Variants in HOMER2 observed in about 807,000 individuals in gnomAD.
The protein encoded by HOMER2 is homer protein homolog 2.
Under a neutral mutation model 47.0 loss-of-function variants are expected in HOMER2, and 27 were observed. The ratio of observed to expected loss-of-function variants is 0.57; its 90% CI spans 0.42 to 0.79. The LOEUF is 0.79. Among genes scored for constraint, HOMER2 ranks in the 30% least tolerant of loss-of-function variants. The probability of loss-of-function intolerance (pLI) is 0.00; values close to 1 mark genes in which losing one functional copy is unlikely to be tolerated. For synonymous variants in HOMER2, 161 were observed against 163.8 expected, an observed-to-expected ratio of 0.98 and a Z score of 0.13; for missense variants, 443 against 435.0, an observed-to-expected ratio of 1.02 and a Z score of -0.16.
intron 1 of HOMER2, among the ~76,000 whole-genome samples, chr15:82,949,186 G>A (rs574847870): frequency 2.0e-5 from 3 of 152,172 alleles, no homozygotes; most frequent in African/African-American, 7.2e-5. Flanking sequence ...ATGTATTGAC[G>A]AGAGTCAGAA....
At chr15:82,850,330 G>C (rs764413683) in intron 8 of HOMER2, among the ~76,000 whole-genome samples, 6 of 152,230 alleles carry the variant, frequency 3.9e-5, no homozygotes, top group Non-Finnish European at 5.9e-5. Context: ...GTCCCACAGA[G>C]AGGCGTGGCC....
At chr15:82,906,502 G>A (rs1031631316) in intron 1 of HOMER2, among the ~76,000 whole-genome samples, 8 of 150,266 alleles carry the variant, frequency 5.3e-5, no homozygotes, top group East Asian at 2.0e-4. Flanking sequence ...GCTCAATCTC[G>A]GCTCACTGCA....
chr15:82,923,709 C>T (rs942294337), intron 1 of HOMER2, among the ~76,000 whole-genome samples: 1 of 152,166 alleles, frequency 6.6e-6, no homozygotes, highest in African/African-American at 2.4e-5. Flanking sequence ...CAAGTGTGCA[C>T]ATACCCACCC....
intron 3 of HOMER2, among the ~76,000 whole-genome samples, chr15:82,871,702 G>A (rs552536863): frequency 6.6e-5 from 10 of 152,248 alleles, no homozygotes; most frequent in African/African-American, 2.4e-4. Flanking sequence ...GCAGGACGGT[G>A]CACTCCTCCT....
chr15:82,882,484 G>A (rs2052553823), intron 2 of HOMER2, among the ~76,000 whole-genome samples: 1 of 152,260 alleles, frequency 6.6e-6, no homozygotes, highest in South Asian at 2.1e-4. Flanking sequence ...GGGCAATGCT[G>A]AGGCAACACA....
At chr15:82,916,662 G>C (rs923096509) in intron 1 of HOMER2, among the ~76,000 whole-genome samples, 2 of 152,118 alleles carry the variant, frequency 1.3e-5, no homozygotes, top group Non-Finnish European at 2.9e-5. Flanking sequence ...GAGGGGGAGA[G>C]GTTAAGTACT....
At chr15:82,978,394 A>G (rs184256682) in intron 1 of HOMER2, among the ~76,000 whole-genome samples, 9 of 152,302 alleles carry the variant, frequency 5.9e-5, no homozygotes. Flanking sequence ...AATCCGTTCT[A>G]CTTGGAGGTG....
chr15:82,867,250 T>A (rs749024612), intron 3 of HOMER2, among the ~76,000 whole-genome samples: 13 of 151,958 alleles, frequency 8.6e-5, no homozygotes, highest in Admixed American at 2.0e-4. Context: ...TGAGCATGTA[T>A]CAAGCTTCTG....
chr15:82,937,037 C>T (rs1218470327), intron 1 of HOMER2, among the ~76,000 whole-genome samples: 1 of 152,156 alleles, frequency 6.6e-6, no homozygotes, highest in Non-Finnish European at 1.5e-5. Context: ...TTATAGCAGG[C>T]TTGAAATATC....
intron 1 of HOMER2, among the ~76,000 whole-genome samples, chr15:82,983,564 T>C (rs532259295): frequency 3.3e-5 from 5 of 152,262 alleles, no homozygotes; most frequent in Admixed American, 6.5e-5. Context: ...GCTTAAAGAA[T>C]TGGAGCCTTT....
intron 1 of HOMER2, among the ~76,000 whole-genome samples, chr15:82,934,099 G>C (rs1320309803): frequency 6.6e-6 from 1 of 152,100 alleles, no homozygotes; most frequent in African/African-American, 2.4e-5. Context: ...GGAAACCAGT[G>C]AGTCCCTGAG....
In HOMER2 at chr15:82,875,335, C is replaced by T. The variant is rs2052312176; in HGVS notation, c.232G>A (p.Ala78Thr). ...AACACTGTGTTGGCTCTGCTGTCGGCCCACTGCCCAAACTTCTGTGACGTT... is the reference window on the plus strand; with the variant it reads ...AACACTGTGTTGGCTCTGCTGTCGGTCCACTGCCCAAACTTCTGTGACGTT... ...TKTSQKFGQW[A>T]DSRANTVFGL... Residue 78 changes from alanine to threonine, a missense_variant, in exon 3 of 9, where the codon GCC becomes ACC. Physicochemically the swap from Ala to Thr is moderately conservative, Grantham distance 58 (BLOSUM62 0). Transcript: ENST00000450735. The T allele has an allele frequency of 6.2e-7, 1 of 1,613,950 alleles. No homozygotes were observed. The highest frequency in any genetic ancestry group is 8.5e-7 in the Non-Finnish European group (1 of 1,179,878).
upstream of HOMER2, among the ~76,000 whole-genome samples, chr15:82,954,691 G>A (rs1337588283): frequency 6.6e-6 from 1 of 152,002 alleles, no homozygotes; most frequent in African/African-American, 2.4e-5. Context: ...TATGTCTATA[G>A]GTATATCGAT....
chr15:82,933,953 C>A (rs1256636254), intron 1 of HOMER2, among the ~76,000 whole-genome samples: 2 of 152,136 alleles, frequency 1.3e-5, no homozygotes, highest in South Asian at 2.1e-4. Flanking sequence ...GCAGAGTTCT[C>A]CCTGCCCTGG....
intron 1 of HOMER2, among the ~76,000 whole-genome samples, chr15:82,946,517 G>A (rs1473187269): frequency 6.6e-6 from 1 of 152,010 alleles, no homozygotes; most frequent in East Asian, 1.9e-4. Context: ...TATTCACACT[G>A]CCAGGAACAC....
intron 1 of HOMER2, chr15:82,926,093 A>C (rs1250030581): frequency 6.6e-6 from 1 of 152,248 alleles, no homozygotes; most frequent in Non-Finnish European, 1.5e-5. Flanking sequence ...TATAATCTTC[A>C]TGTCATATAT....
chr15:82,867,042 G>T (rs978122756), intron 3 of HOMER2, among the ~76,000 whole-genome samples: 1 of 152,106 alleles, frequency 6.6e-6, no homozygotes, highest in African/African-American at 2.4e-5. Context: ...ATGACTAAGG[G>T]GGAAACAGAA....
chr15:82,947,365 G>A (rs2054405214), intron 1 of HOMER2, among the ~76,000 whole-genome samples: 1 of 152,198 alleles, frequency 6.6e-6, no homozygotes, highest in Admixed American at 6.5e-5. Context: ...GCAGCCTGAG[G>A]TGTTAGATAA....
At chr15:82,873,045 CCTGGTA>C (rs1255231676) in intron 3 of HOMER2, among the ~76,000 whole-genome samples, 1 of 152,176 alleles carries the variant, frequency 6.6e-6, no homozygotes, top group Admixed American at 6.5e-5. Context: ...CTCCAGGCAG[CCTGGTA>C]CTTGCTCAAA....
Sources: gnomAD v4.1 joint callset for allele counts (sites outside exome capture counted in the v4.1 genomes callset) on GRCh38, gnomAD v4.1.1 for gene constraint, MANE v1.5 for transcripts, NCBI Gene and HGNC (gene_info 2026-07-23, HGNC 2026-07-21) for gene names.